GRB10: variants seen among roughly 807,000 people sequenced by gnomAD.
GRB10 encodes growth factor receptor bound protein 10, also known as growth factor receptor-bound protein 10.
A neutral mutation model predicts 80.9 loss-of-function variants in GRB10; 20 were observed. The ratio of observed to expected loss-of-function variants is 0.25; its 90% CI spans 0.17 to 0.36. GRB10 has a LOEUF of 0.36. Among genes scored for constraint, GRB10 ranks in the 10% least tolerant of loss-of-function variants. The probability of loss-of-function intolerance (pLI) is 1.00; values close to 1 mark genes in which losing one functional copy is unlikely to be tolerated. For missense variants in GRB10, 548 were observed against 747.7 expected, an observed-to-expected ratio of 0.73 and a Z score of 3.12; for synonymous variants, 291 against 291.5, an observed-to-expected ratio of 1.00 and a Z score of 0.02.
chr7:50,762,473 C>T (rs78335858), intron 2 of GRB10, among the ~76,000 whole-genome samples: 83 of 152,150 alleles, frequency 5.5e-4, no homozygotes, highest in African/African-American at 1.9e-3. Flanking sequence ...AAGGAAGGCC[C>T]TGTCTTCAAG....
chr7:50,787,421 C>T (rs1249887626), upstream of GRB10, among the ~76,000 whole-genome samples: 1 of 152,252 alleles, frequency 6.6e-6, no homozygotes, highest in Non-Finnish European at 1.5e-5. Context: ...ACATATCACT[C>T]TGATTTTAAA....
chr7:50,652,103 A>G (rs1321445093), intron 7 of GRB10, among the ~76,000 whole-genome samples: 1 of 152,258 alleles, frequency 6.6e-6, no homozygotes, highest in Non-Finnish European at 1.5e-5. Context: ...AAAAACCTAG[A>G]TGTAAATAAT....
chr7:50,692,016 T>C (rs999830311), intron 5 of GRB10, among the ~76,000 whole-genome samples: 2 of 152,176 alleles, frequency 1.3e-5, no homozygotes, highest in East Asian at 1.9e-4. Context: ...ATTTAACCAA[T>C]TGAAGATTGA....
intron 10 of GRB10, among the ~76,000 whole-genome samples, chr7:50,616,558 A>C (rs934767345): frequency 1.3e-5 from 2 of 152,222 alleles, no homozygotes; most frequent in Admixed American, 6.5e-5. Context: ...AAGCAAATGG[A>C]CCTTTCCAAC....
intron 3 of GRB10, 101 bp downstream of exon 3, chr7:50,755,786 C>A: frequency 7.5e-6 from 3 of 398,108 alleles, no homozygotes; most frequent in Non-Finnish European, 8.8e-6. Context: ...CAGGCCTCTA[C>A]CTACAGTGAC....
At chr7:50,669,435 G>C (rs759339390) in intron 7 of GRB10, among the ~76,000 whole-genome samples, 10 of 152,124 alleles carry the variant, frequency 6.6e-5, no homozygotes, top group Non-Finnish European at 1.3e-4. Context: ...ACTATTGTGA[G>C]GACAGCACCA....
At chr7:50,653,814 A>G (rs938496982) in intron 7 of GRB10, among the ~76,000 whole-genome samples, 2 of 152,228 alleles carry the variant, frequency 1.3e-5, no homozygotes, top group African/African-American at 4.8e-5. Context: ...CTACCCAAGT[A>G]AAGTTGGTAG....
intron 13 of GRB10, among the ~76,000 whole-genome samples, chr7:50,608,149 A>C (rs2048864848): frequency 6.6e-6 from 1 of 152,242 alleles, no homozygotes; most frequent in Admixed American, 6.5e-5. Flanking sequence ...GTGTAGGATA[A>C]GTAAGCCCGC....
At position 50,767,855 on chromosome 7, in the gene GRB10, C is replaced by T. The variant is rs540461424; in HGVS notation, c.-216-11799G>A. ...TACCACTTTGCTCCTGTGTTGCAAT[C>T]GAGAAGCCCAAGCTGTGCCTCTCAA... On this transcript the variant is annotated intron_variant, in intron 2 of 18. Transcript: ENST00000401949. Among the ~76,000 whole-genome samples the T allele has an allele frequency of 2.5e-4, 38 of 152,264 alleles. No homozygotes were observed. The South Asian group carries it at 4.8e-3, about 19-fold the overall frequency.
intron 5 of GRB10, among the ~76,000 whole-genome samples, chr7:50,692,196 C>G (rs2299153): frequency 6.6e-6 from 1 of 151,822 alleles, no homozygotes; most frequent in Non-Finnish European, 1.5e-5. Flanking sequence ...GTAGGTTATA[C>G]GCAAATACTA....
intron 8 of GRB10, among the ~76,000 whole-genome samples, chr7:50,621,348 C>A (rs2051704005): frequency 6.6e-6 from 1 of 152,224 alleles, no homozygotes; most frequent in South Asian, 2.1e-4. Context: ...GTGAAACTGA[C>A]TGTGTATCCT....
intron 3 of GRB10, among the ~76,000 whole-genome samples, chr7:50,751,524 G>A (rs1177145526): frequency 4.6e-5 from 7 of 152,322 alleles, no homozygotes; most frequent in Non-Finnish European, 1.0e-4. Flanking sequence ...TCTAGGAAAT[G>A]CAAGCAATCT....
At chr7:50,746,330 C>T (rs1458930739) in intron 3 of GRB10, among the ~76,000 whole-genome samples, 4 of 152,166 alleles carry the variant, frequency 2.6e-5, no homozygotes, top group African/African-American at 9.7e-5. Flanking sequence ...AACAGTCAAA[C>T]CGTCATTAAA....
At chr7:50,670,006 C>T in intron 6 of GRB10, 143 bp from the exon 7 acceptor site, 1 of 981,442 alleles carries the variant, frequency 1.0e-6, no homozygotes, top group Non-Finnish European at 1.5e-6. Context: ...GCATCCTTCA[C>T]AAAAGCCAAA....
chr7:50,783,884 A>T (rs1022280065), upstream of GRB10, among the ~76,000 whole-genome samples: 9 of 152,228 alleles, frequency 5.9e-5, no homozygotes, highest in African/African-American at 2.2e-4. Flanking sequence ...AGGCCAGGTC[A>T]GGCCCCTGAA....
chr7:50,698,118 T>C (rs2063681942), intron 5 of GRB10, among the ~76,000 whole-genome samples: 1 of 152,256 alleles, frequency 6.6e-6, no homozygotes. Flanking sequence ...TGCCTGCTCA[T>C]GTTCTTTGCC....
At chr7:50,761,423 T>C (rs889630769) in intron 2 of GRB10, among the ~76,000 whole-genome samples, 2 of 152,214 alleles carry the variant, frequency 1.3e-5, no homozygotes, top group African/African-American at 4.8e-5. Flanking sequence ...GAATTTCTTT[T>C]AAAATCCCCT....
intron 3 of GRB10, among the ~76,000 whole-genome samples, chr7:50,748,707 G>A (rs1051312778): frequency 2.0e-5 from 3 of 152,186 alleles, no homozygotes; most frequent in South Asian, 2.1e-4. Flanking sequence ...CTGCTGTGGC[G>A]GGGACCGAGG....
intron 7 of GRB10, among the ~76,000 whole-genome samples, chr7:50,666,933 A>G (rs2715146): frequency 0.86 from 130,454 of 151,122 alleles, 56,427 homozygotes; most frequent in East Asian, 0.96. Context: ...CCAGCTACTC[A>G]GGAGGCTGAG....
Sources: allele counts gnomAD v4.1 joint callset (sites outside exome capture counted in the v4.1 genomes callset), GRCh38; gene constraint gnomAD v4.1.1; transcripts MANE v1.5; gene names NCBI Gene and HGNC (gene_info 2026-07-23, HGNC 2026-07-21).